FHOD3: variants seen among roughly 807,000 people sequenced by gnomAD.
The protein encoded by FHOD3 is FH1/FH2 domain-containing protein 3.
Under a neutral mutation model 173.0 loss-of-function variants are expected in FHOD3, and 90 were observed. The ratio of observed to expected loss-of-function variants is 0.52; its 90% CI spans 0.44 to 0.62. The LOEUF is 0.62. FHOD3 is among the 20% of genes least tolerant of loss of function. The probability of loss-of-function intolerance (pLI) is 0.00; values close to 1 mark genes in which losing one functional copy is unlikely to be tolerated. For missense variants in FHOD3, 1,945 were observed against 2,034.7 expected (o/e 0.96, Z 0.85); for synonymous variants, 828 against 823.0 (o/e 1.01, Z -0.10).
chr18:36,750,287 C>T (rs564954983), intron 24 of FHOD3, among the ~76,000 whole-genome samples: 8 of 151,976 alleles, frequency 5.3e-5, no homozygotes, highest in African/African-American at 1.9e-4. Flanking sequence ...GACTCCATCT[C>T]AAAAAAAGAA....
At chr18:36,670,953 A>G (rs1454801467) in intron 14 of FHOD3, among the ~76,000 whole-genome samples, 1 of 152,266 alleles carries the variant, frequency 6.6e-6, no homozygotes, top group Non-Finnish European at 1.5e-5. Flanking sequence ...AACTTTAACC[A>G]GTTCCCTCTG....
intron 27 of FHOD3, among the ~76,000 whole-genome samples, chr18:36,762,113 A>T (rs1377289464): frequency 6.6e-6 from 1 of 152,176 alleles, no homozygotes; most frequent in Non-Finnish European, 1.5e-5. Context: ...TTTGCTCACT[A>T]ACTAGTGCTT....
chr18:36,528,247 A>G (rs1813036528), intron 5 of FHOD3, among the ~76,000 whole-genome samples: 2 of 152,204 alleles, frequency 1.3e-5, no homozygotes, highest in African/African-American at 4.8e-5. Context: ...GCCCCACAAG[A>G]TAAGATCTTG....
chr18:36,578,970 G>A (rs1386977607), intron 6 of FHOD3, among the ~76,000 whole-genome samples: 1 of 152,100 alleles, frequency 6.6e-6, no homozygotes, highest in Non-Finnish European at 1.5e-5. Context: ...GTTTGGCTTT[G>A]TTTTCTATGG....
chr18:36,378,018 G>A (rs1232007980), intron 3 of FHOD3, among the ~76,000 whole-genome samples: 2 of 152,208 alleles, frequency 1.3e-5, no homozygotes, highest in Non-Finnish European at 2.9e-5. Context: ...AGCTCACAGT[G>A]TCCTTGCTGT....
chr18:36,522,249 AC>A (rs1449938899), intron 5 of FHOD3, among the ~76,000 whole-genome samples: 1 of 152,200 alleles, frequency 6.6e-6, no homozygotes, highest in East Asian at 1.9e-4. Context: ...AGAATGATAG[AC>A]TATCTGCAGA....
chr18:36,464,884 A>G (rs2052814265), intron 3 of FHOD3, among the ~76,000 whole-genome samples: 1 of 152,098 alleles, frequency 6.6e-6, no homozygotes, highest in Admixed American at 6.5e-5. Flanking sequence ...ATAGGCCCCA[A>G]AACACACAGG....
chr18:36,636,671 T>TC (rs1176894423), intron 10 of FHOD3, among the ~76,000 whole-genome samples: 1 of 151,682 alleles, frequency 6.6e-6, no homozygotes, highest in Non-Finnish European at 1.5e-5. Flanking sequence ...TTTTTTTTTT[T>TC]CCAGCCATGT....
intron 27 of FHOD3, among the ~76,000 whole-genome samples, chr18:36,765,399 C>T (rs551144514): frequency 6.6e-6 from 1 of 152,140 alleles, no homozygotes; most frequent in African/African-American, 2.4e-5. Flanking sequence ...ACTTCAGTCT[C>T]TACGTTCTTC....
intron 19 of FHOD3, among the ~76,000 whole-genome samples, chr18:36,721,015 CCTTCT>C (rs1319183276): frequency 1.3e-5 from 2 of 152,214 alleles, no homozygotes; most frequent in Admixed American, 1.3e-4. Flanking sequence ...CTACCTCCCT[CCTTCT>C]CTTGGTCCCA....
At chr18:36,498,715 A>G (rs1468607649) in intron 3 of FHOD3, among the ~76,000 whole-genome samples, 3 of 152,230 alleles carry the variant, frequency 2.0e-5, no homozygotes, top group Admixed American at 1.3e-4. Context: ...CCCAACTCAC[A>G]AAATTCGCAT....
At chr18:36,340,928 C>T (rs529060614) in intron 1 of FHOD3, among the ~76,000 whole-genome samples, 7 of 152,338 alleles carry the variant, frequency 4.6e-5, no homozygotes, top group South Asian at 2.1e-4. Context: ...TGAGCCACCG[C>T]GCCCGGCCAG....
intron 3 of FHOD3, among the ~76,000 whole-genome samples, chr18:36,437,665 CTTTTTT>C (rs1555704498): frequency 4.3e-5 from 3 of 69,442 alleles, no homozygotes; most frequent in Non-Finnish European, 1.1e-4. Flanking sequence ...TTCTTTCTTT[CTTTTTT>C]TTTTTTTTTT....
At chr18:36,317,109 T>C (rs1351864734) in intron 1 of FHOD3, among the ~76,000 whole-genome samples, 1 of 152,218 alleles carries the variant, frequency 6.6e-6, no homozygotes, top group Admixed American at 6.5e-5. Context: ...ACATTTTCTT[T>C]ATCTAGTCTA....
At chr18:36,706,959 A>G (rs938671283) in intron 17 of FHOD3, among the ~76,000 whole-genome samples, 2 of 152,196 alleles carry the variant, frequency 1.3e-5, no homozygotes, top group Non-Finnish European at 2.9e-5. Context: ...TGTAAAATTA[A>G]TGGGGTTTTG....
intron 3 of FHOD3, among the ~76,000 whole-genome samples, chr18:36,401,229 A>G (rs544534967): frequency 6.6e-6 from 1 of 152,262 alleles, no homozygotes; most frequent in South Asian, 2.1e-4. Context: ...TGGAATTGAT[A>G]TCCTCTTATA....
chr18:36,720,735 T>TCTC lies in FHOD3; in HGVS notation c.3417+2029_3417+2031dup, dbSNP rs138482898. ...TCCTCCTTCTCTTCCTCCTTCTTCT[T>TCTC]CTCCTCCTCCTTCTTCTCCTCCTGC... On this transcript the variant is annotated intron_variant, in intron 19 of 28. Coordinates refer to ENST00000590592, the MANE Select transcript of FHOD3 (RefSeq NM_001281740.3). Among the ~76,000 whole-genome samples, 271 of 148,434 alleles carry TCTC rather than the reference T, an allele frequency of 1.8e-3. 1 individual carries two copies. The highest frequency in any genetic ancestry group is 5.9e-3 in the African/African-American group (234 of 39,940).
chr18:36,321,389 A>T (rs930611680), intron 1 of FHOD3, among the ~76,000 whole-genome samples: 1 of 152,082 alleles, frequency 6.6e-6, no homozygotes, highest in Non-Finnish European at 1.5e-5. Flanking sequence ...GGTTGACAGG[A>T]ATGGGGAGAT....
intron 20 of FHOD3, among the ~76,000 whole-genome samples, chr18:36,732,177 G>A (rs1044974720): frequency 2.0e-5 from 3 of 152,190 alleles, no homozygotes; most frequent in African/African-American, 7.2e-5. Context: ...ACCAAGGATC[G>A]TGGACAACCA....
Sources: allele counts gnomAD v4.1 joint callset (sites outside exome capture counted in the v4.1 genomes callset), GRCh38; gene constraint gnomAD v4.1.1; transcripts MANE v1.5; gene names NCBI Gene and HGNC (gene_info 2026-07-23, HGNC 2026-07-21).